GSAP: variants seen among roughly 807,000 people sequenced by gnomAD.
The protein encoded by GSAP is gamma-secretase-activating protein.
A neutral mutation model predicts 131.7 loss-of-function variants in GSAP; 118 were observed. The ratio of observed to expected loss-of-function variants is 0.90; its 90% CI spans 0.77 to 1.04. The LOEUF is 1.04. Ranked by LOEUF, GSAP falls within the 50% of genes least tolerant of loss-of-function variation. GSAP has a pLI of 0.00. For synonymous variants in GSAP, 381 were observed against 363.4 expected (o/e 1.05, Z -0.55); for missense variants, 1,019 against 1,013.2 (o/e 1.01, Z -0.08).
intron 3 of GSAP, among the ~76,000 whole-genome samples, chr7:77,400,222 C>G (rs889852636): frequency 6.6e-6 from 1 of 152,146 alleles, no homozygotes; most frequent in African/African-American, 2.4e-5. Flanking sequence ...GACTTTCAAC[C>G]ATTCCCAGTG....
intron 23 of GSAP, 89 bp from the exon 24 acceptor site, chr7:77,323,831 C>A: frequency 1.8e-6 from 1 of 559,026 alleles, no homozygotes; most frequent in African/African-American, 2.0e-5. Flanking sequence ...TAACATTCTT[C>A]ATCAATATAA....
intron 2 of GSAP, among the ~76,000 whole-genome samples, chr7:77,405,042 T>G (rs1455417306): frequency 6.6e-6 from 1 of 152,212 alleles, no homozygotes; most frequent in Non-Finnish European, 1.5e-5. Flanking sequence ...AAAAGTACAG[T>G]GATATAACTG....
intron 3 of GSAP, among the ~76,000 whole-genome samples, chr7:77,400,278 A>G (rs1801104961): frequency 6.6e-6 from 1 of 152,062 alleles, no homozygotes; most frequent in Non-Finnish European, 1.5e-5. Flanking sequence ...ATCCACGTGG[A>G]TCCTGGACTC....
Position 77,353,820 on chromosome 7 carries a change from G to A in GSAP, c.1339-179C>T, listed in dbSNP as rs148639917. On this transcript the variant is annotated intron_variant, in intron 16 of 30. Coordinates refer to ENST00000257626, the MANE Select transcript of GSAP (RefSeq NM_017439.4). The stretch of plus-strand genomic sequence containing the variant: ...TAATGCAATTCTGGGTAGGTAAAAC[G>A]GTATTTTATAAGTGAGATCCTTTTT... 1,510 of 478,612 alleles carry A rather than the reference G, an allele frequency of 3.2e-3. 5 individuals carry two copies. The highest frequency in any genetic ancestry group is 4.9e-3 in the Middle Eastern group (9 of 1,840). 29.6% of individuals were successfully genotyped at this position (478,612 alleles called of 1,614,324 possible). A position where few individuals can be genotyped will look rare whatever the true frequency, so the allele number is the denominator to read the frequency against.
At chr7:77,372,606 C>CAT (rs111991382) in intron 12 of GSAP, among the ~76,000 whole-genome samples, 71 of 151,996 alleles carry the variant, frequency 4.7e-4, no homozygotes, top group African/African-American at 1.3e-3. Context: ...TAAAATGATA[C>CAT]ATATATATAT....
At chr7:77,324,054 T>C (rs2150638177) in intron 23 of GSAP, among the ~76,000 whole-genome samples, 1 of 152,348 alleles carries the variant, frequency 6.6e-6, no homozygotes, top group Middle Eastern at 3.4e-3. Flanking sequence ...TCACAGGCTT[T>C]GGGATCTACC....
At chr7:77,392,935 T>G (rs1467241435) in intron 5 of GSAP, among the ~76,000 whole-genome samples, 1 of 152,146 alleles carries the variant, frequency 6.6e-6, no homozygotes, top group African/African-American at 2.4e-5. Context: ...CTGCTGTGAC[T>G]TGTGGCAAAT....
At chr7:77,314,717 G>A in intron 26 of GSAP, 1 of 429,286 alleles carries the variant, frequency 2.3e-6, no homozygotes. Flanking sequence ...TTGCTCCTTG[G>A]GTCTCTTCCT....
intron 5 of GSAP, among the ~76,000 whole-genome samples, chr7:77,389,395 T>C (rs1221149043): frequency 6.7e-6 from 1 of 149,308 alleles, no homozygotes; most frequent in Non-Finnish European, 1.5e-5. Context: ...AAAAAACGCG[T>C]CATTTAGCAT....
intron 9 of GSAP, 52 bp from the exon 10 acceptor site, chr7:77,376,959 G>A (rs766729825): frequency 1.9e-6 from 2 of 1,030,904 alleles, no homozygotes; most frequent in South Asian, 2.9e-5. Flanking sequence ...AAAAGAAAAG[G>A]AAGCAGTCAA....
chr7:77,353,448 T>TG, intron 17 of GSAP, 124 bp downstream of exon 17: 1 of 608,390 alleles, frequency 1.6e-6, no homozygotes, highest in Non-Finnish European at 2.9e-6. Context: ...AGTTTTGTTT[T>TG]TTTTTTTTAA....
At chr7:77,372,747 A>T (rs1405033964) in intron 12 of GSAP, among the ~76,000 whole-genome samples, 1 of 152,242 alleles carries the variant, frequency 6.6e-6, no homozygotes, top group Admixed American at 6.5e-5. Context: ...GTAACAAAAA[A>T]TACCCTTCAA....
intron 3 of GSAP, 128 bp downstream of exon 3, chr7:77,404,431 C>G: frequency 1.5e-6 from 1 of 675,410 alleles, no homozygotes; most frequent in Non-Finnish European, 2.7e-6. Flanking sequence ...AATTGCAATT[C>G]TGTTTTTTCA....
In GSAP at chr7:77,360,714, C is replaced by A. The variant is rs1794408582; in HGVS notation, c.1027+110G>T. ...TCAAGTGGGTCATTGATTGTCATCA[C>A]AATCCGAGTCTCAAAGAGGCATGAG... On this transcript the variant is annotated intron_variant, in intron 14 of 30. Transcript: ENST00000257626. 4.7e-6 allele frequency: 3 copies of A among 635,946 alleles called. No individual in the cohort carries two copies. In the South Asian group the frequency reaches 5.5e-5, roughly 12 times the overall value. 39.4% of individuals were successfully genotyped at this position (635,946 alleles called of 1,614,324 possible).
intron 1 of GSAP, among the ~76,000 whole-genome samples, chr7:77,407,291 T>C (rs1180036697): frequency 1.3e-5 from 2 of 152,240 alleles, no homozygotes; most frequent in Non-Finnish European, 2.9e-5. Flanking sequence ...TATAACTACA[T>C]CAGCTTGGTT....
At chr7:77,328,305 G>A (rs994905861) in intron 22 of GSAP, 1 of 1,143,082 alleles carries the variant, frequency 8.7e-7, no homozygotes, top group Non-Finnish European at 1.1e-6. Context: ...ATGCCAAAAT[G>A]CATCCTGTGG....
At chr7:77,406,581 TA>T in intron 1 of GSAP, among the ~76,000 whole-genome samples, 1 of 152,350 alleles carries the variant, frequency 6.6e-6, no homozygotes, top group Admixed American at 6.5e-5. Flanking sequence ...AAAACAAGAT[TA>T]AAAAGTTAAT....
At chr7:77,382,697 A>T in intron 6 of GSAP, 54 bp from the exon 7 acceptor site, 1 of 978,382 alleles carries the variant, frequency 1.0e-6, no homozygotes, top group Non-Finnish European at 1.6e-6. Flanking sequence ...TTGAACAAGT[A>T]TTTCCAAAGT....
At position 77,382,670 on chromosome 7, in the gene GSAP, G is replaced by A. The variant is rs754702701; in HGVS notation, c.457-27C>T. On this transcript the variant is annotated intron_variant, in intron 6 of 30. Transcript: ENST00000257626. Reference sequence around the variant, plus strand: ...TGTAAAAAAGAAATTAATCATAATTGTAAGCAACTATCTTGCTTGAACAAG... The same window carrying A: ...TGTAAAAAAGAAATTAATCATAATTATAAGCAACTATCTTGCTTGAACAAG... 5.7e-6 allele frequency: 7 copies of A among 1,218,862 alleles called. 1 individual carries two copies. In the Middle Eastern group the frequency reaches 1.1e-3, roughly 197 times the overall value. The allele number at this position is 1,218,862 out of a possible 1,614,324, so 75.5% of individuals were successfully genotyped here.
Sources: allele counts gnomAD v4.1 joint callset (sites outside exome capture counted in the v4.1 genomes callset), GRCh38; gene constraint gnomAD v4.1.1; transcripts MANE v1.5; gene names NCBI Gene and HGNC (gene_info 2026-07-23, HGNC 2026-07-21).